Variants in ASXL1 observed in about 807,000 individuals in gnomAD.
ASXL1 encodes polycomb group protein ASXL1.
Under a neutral mutation model 89.1 loss-of-function variants are expected in ASXL1, and 65 were observed. The ratio of observed to expected loss-of-function variants is 0.73; its 90% CI spans 0.60 to 0.90. The LOEUF (loss-of-function observed/expected upper bound fraction) is 0.90. Among genes scored for constraint, ASXL1 ranks in the 40% least tolerant of loss-of-function variants. The pLI, the probability that ASXL1 is intolerant of heterozygous loss-of-function variation, is 0.00. For synonymous variants in ASXL1, 739 were observed against 746.9 expected (o/e 0.99, Z 0.17); for missense variants, 1,786 against 1,942.9 (o/e 0.92, Z 1.52).
intron 4 of ASXL1, among the ~76,000 whole-genome samples, chr20:32,394,281 C>T (rs188010162): frequency 8.2e-4 from 125 of 152,002 alleles, no homozygotes; most frequent in African/African-American, 2.8e-3. Context: ...GGATTACAGG[C>T]GTGAGCCACC....
intron 4 of ASXL1, among the ~76,000 whole-genome samples, chr20:32,414,191 C>T (rs764488929): frequency 3.3e-5 from 5 of 152,056 alleles, no homozygotes; most frequent in African/African-American, 1.2e-4. Context: ...TTATTAAACT[C>T]GGAAACTGGA....
intron 3 of ASXL1, among the ~76,000 whole-genome samples, chr20:32,368,686 T>A (rs1275417128): frequency 1.3e-5 from 2 of 152,180 alleles, no homozygotes; most frequent in African/African-American, 4.8e-5. Context: ...ACTAAAAATT[T>A]ATTAACTTAT....
chr20:32,369,536 G>A (rs2048262828), intron 4 of ASXL1, among the ~76,000 whole-genome samples: 1 of 151,922 alleles, frequency 6.6e-6, no homozygotes, highest in Admixed American at 6.6e-5. Context: ...ACAGGCATGA[G>A]CCACCGCACC....
chr20:32,416,813 T>TA (rs1284664589), intron 4 of ASXL1, among the ~76,000 whole-genome samples: 1 of 152,224 alleles, frequency 6.6e-6, no homozygotes, highest in African/African-American at 2.4e-5. Flanking sequence ...ATTTTGTAAT[T>TA]ATGATGAGAA....
chr20:32,366,543 A>G, intron 2 of ASXL1, 77 bp downstream of exon 2: 1 of 1,609,546 alleles, frequency 6.2e-7, no homozygotes. Flanking sequence ...GATATGAGTA[A>G]GTACACCTGT....
At chr20:32,386,750 A>G (rs2048585609) in intron 4 of ASXL1, among the ~76,000 whole-genome samples, 1 of 148,998 alleles carries the variant, frequency 6.7e-6, no homozygotes, top group African/African-American at 2.5e-5. Flanking sequence ...ATCAAATGCC[A>G]TATTGATTCC....
At chr20:32,364,927 T>C (rs1221315913) in intron 1 of ASXL1, among the ~76,000 whole-genome samples, 1 of 152,130 alleles carries the variant, frequency 6.6e-6, no homozygotes, top group Non-Finnish European at 1.5e-5. Context: ...GGATAAATAT[T>C]AAGAGGCTGT....
intron 4 of ASXL1, among the ~76,000 whole-genome samples, chr20:32,397,399 C>A (rs1408400661): frequency 2.1e-5 from 2 of 96,680 alleles, no homozygotes; most frequent in Non-Finnish European, 4.3e-5. Flanking sequence ...CACTCCTGGC[C>A]TTTTTTTTTT....
At chr20:32,380,759 A>G (rs2048472822) in intron 4 of ASXL1, among the ~76,000 whole-genome samples, 1 of 152,216 alleles carries the variant, frequency 6.6e-6, no homozygotes. Context: ...GAACAAAGAA[A>G]CAAAAAAAAC....
At chr20:32,411,128 C>G (rs547939333) in intron 4 of ASXL1, among the ~76,000 whole-genome samples, 1 of 132,170 alleles carries the variant, frequency 7.6e-6, no homozygotes, top group Admixed American at 7.9e-5. Flanking sequence ...CACCATTTAT[C>G]TGACATCTAT....
At chr20:32,434,186 A>G (rs2011638787) in intron 12 of ASXL1, 1 of 693,280 alleles carries the variant, frequency 1.4e-6, no homozygotes, top group Non-Finnish European at 2.4e-6. Flanking sequence ...ATTCTTTGCT[A>G]TAGTGACTCA....
In ASXL1 at chr20:32,435,367, G is replaced by A. The variant is rs897604326; in HGVS notation, c.2655G>A (p.Leu885=). ...MRESDTRQEN[L]KTKALVSNSS... The stretch of plus-strand genomic sequence containing the variant: ...AAAGTGATACTAGACAAGAAAACTT[G>A]AAAACCAAGGCTCTCGTTTCTAACA... The change falls in exon 13 of 13, where the codon TTG becomes TTA. Residue 885 remains leucine, a synonymous_variant. Coordinates refer to ENST00000375687, the MANE Select transcript of ASXL1 (RefSeq NM_015338.6). 4 of 1,614,020 alleles carry A rather than the reference G, an allele frequency of 2.5e-6. No homozygotes were observed. In the African/African-American group the frequency reaches 5.3e-5, roughly 22 times the overall value.
At position 32,369,107 on chromosome 20, in the gene ASXL1, G is replaced by A. The variant is rs1296130945; in HGVS notation, c.236G>A (p.Ser79Asn). Residue 79 changes from serine to asparagine, a missense_variant, in exon 4 of 13, where the codon AGC becomes AAC. Physicochemically the swap from Ser to Asn is conservative, Grantham distance 46. Transcript: ENST00000375687. ...TTTTATAAACTGCCTGGCCGAATCA[G>A]CCTTTTCACGCTCAAGGTAAGTGAT... is the stretch of plus-strand genomic sequence containing the variant. The part of the protein sequence containing the change: ...GLFYKLPGRI[S>N]LFTLKKDALQ... The A allele has an allele frequency of 3.1e-6, 5 of 1,610,290 alleles. No homozygotes were observed. Among genetic ancestry groups the A allele is most frequent in the Non-Finnish European group, 4.2e-6 (5 of 1,176,488 alleles).
Position 32,368,870 on chromosome 20 carries a change from A to G in ASXL1, c.144-145A>G, listed in dbSNP as rs1388283788. On this transcript the variant is annotated intron_variant, in intron 3 of 12. Transcript: ENST00000375687. Reference sequence around the variant, plus strand: ...AATTTCATTTGGTTATTCTTTTACTATTTTCACAGTGAAATTGTCATGAGA... The same window carrying G: ...AATTTCATTTGGTTATTCTTTTACTGTTTTCACAGTGAAATTGTCATGAGA... 3 of 618,938 alleles carry G rather than the reference A, an allele frequency of 4.8e-6. No homozygotes were observed. In the East Asian group the frequency reaches 8.4e-5, roughly 17 times the overall value. The allele number at this position is 618,938 out of a possible 1,614,324, so 38.3% of individuals were successfully genotyped here. A position where few individuals can be genotyped will look rare whatever the true frequency, so the allele number is the denominator to read the frequency against.
intron 1 of ASXL1, 163 bp downstream of exon 1, chr20:32,358,995 A>G: frequency 1.3e-6 from 1 of 764,520 alleles, no homozygotes. Flanking sequence ...AGGGGTGGGG[A>G]GCGCTCCGCC....
intron 4 of ASXL1, among the ~76,000 whole-genome samples, chr20:32,419,840 G>A (rs983430133): frequency 2.0e-5 from 3 of 151,714 alleles, no homozygotes; most frequent in East Asian, 3.9e-4. Flanking sequence ...CTACCACGCC[G>A]GGCTAATTTT....
At chr20:32,427,209 G>C (rs1314048861) in intron 4 of ASXL1, 2 of 152,162 alleles carry the variant, frequency 1.3e-5, no homozygotes, top group Non-Finnish European at 2.9e-5. Flanking sequence ...CATGTCGTGA[G>C]TCTATTGGAA....
At chr20:32,392,572 G>A (rs1052387452) in intron 4 of ASXL1, among the ~76,000 whole-genome samples, 8 of 148,768 alleles carry the variant, frequency 5.4e-5, no homozygotes, top group Middle Eastern at 6.8e-3. Flanking sequence ...GGCAGATCAC[G>A]CCTGTGCTGG....
chr20:32,366,123 T>TA (rs2048200584), intron 1 of ASXL1, among the ~76,000 whole-genome samples: 1 of 152,186 alleles, frequency 6.6e-6, no homozygotes, highest in Non-Finnish European at 1.5e-5. Flanking sequence ...GTAACCAGTG[T>TA]TGCTAAGGTC....
Sources: allele counts gnomAD v4.1 joint callset (sites outside exome capture counted in the v4.1 genomes callset), GRCh38; gene constraint gnomAD v4.1.1; transcripts MANE v1.5; gene names NCBI Gene and HGNC (gene_info 2026-07-23, HGNC 2026-07-21).